The following SERPINE2 variants were observed in gnomAD, a reference collection of about 807,000 sequenced individuals.
SERPINE2 encodes glia-derived nexin.
Under a neutral mutation model 36.3 loss-of-function variants are expected in SERPINE2, and 14 were observed. The ratio of observed to expected loss-of-function variants is 0.39; its 90% confidence interval spans 0.25 to 0.60. The LOEUF is 0.60. SERPINE2 is among the 20% of genes least tolerant of loss of function. The pLI is 0.57. For synonymous variants in SERPINE2, 192 were observed against 191.8 expected, an observed-to-expected ratio of 1.00 and a Z score of -0.01; for missense variants, 418 against 499.6, an observed-to-expected ratio of 0.84 and a Z score of 1.56.
intron 6 of SERPINE2, 24 bp from the exon 7 acceptor site, chr2:223,980,421 A>G: frequency 6.2e-7 from 1 of 1,604,476 alleles, no homozygotes; most frequent in South Asian, 1.1e-5. Flanking sequence ...ATAAAACAGT[A>G]TCAGCATTTG....
At position 224,001,638 on chromosome 2, in the gene SERPINE2, G is replaced by C. The variant is rs1480313201; in HGVS notation, c.259+4C>G. On this transcript the variant is annotated splice_donor_region_variant and intron_variant, in intron 2 of 8. Coordinates refer to ENST00000409304, the MANE Select transcript of SERPINE2 (RefSeq NM_001136528.2). The stretch of plus-strand genomic sequence containing the variant: ...TCCGCCAGTGAGCAATTGTGCACAC[G>C]CACCATTTACGCCGTATCTCATCAC... The C allele has an allele frequency of 1.2e-6, 2 of 1,610,988 alleles. No individual in the cohort carries two copies. The highest frequency in any genetic ancestry group is 3.3e-5 in the Admixed American group (2 of 59,976).
chr2:223,998,588 G>A (rs752367514), intron 2 of SERPINE2, among the ~76,000 whole-genome samples: 3 of 152,100 alleles, frequency 2.0e-5, no homozygotes, highest in African/African-American at 4.8e-5. Context: ...GTGGTGGCAC[G>A]CCTGTGATAC....
intron 5 of SERPINE2, among the ~76,000 whole-genome samples, chr2:223,984,282 C>T (rs1378484959): frequency 6.6e-6 from 1 of 152,196 alleles, no homozygotes; most frequent in East Asian, 1.9e-4. Context: ...CTTTGTCTTA[C>T]TCTTAGGGTA....
At chr2:224,027,294 GC>G (rs150877474) in intron 1 of SERPINE2, among the ~76,000 whole-genome samples, 3,305 of 152,312 alleles carry the variant, frequency 0.022, 131 homozygotes, top group African/African-American at 0.075. Context: ...TGGGCTATCA[GC>G]CTCTCACGTG....
At chr2:223,996,621 G>A (rs1690899121) in intron 3 of SERPINE2, among the ~76,000 whole-genome samples, 1 of 152,198 alleles carries the variant, frequency 6.6e-6, no homozygotes. Flanking sequence ...CAATGCAGTG[G>A]GCTGGGCTCC....
intron 4 of SERPINE2, among the ~76,000 whole-genome samples, chr2:223,988,838 T>C (rs904302110): frequency 6.6e-6 from 1 of 152,212 alleles, no homozygotes; most frequent in Non-Finnish European, 1.5e-5. Flanking sequence ...TTATGGAATA[T>C]TATGTGGCTG....
chr2:224,003,465 A>AT (rs899722533), intron 1 of SERPINE2, among the ~76,000 whole-genome samples: 7 of 152,232 alleles, frequency 4.6e-5, no homozygotes, highest in African/African-American at 1.7e-4. Context: ...AAATTAAAGA[A>AT]TTATTAATTA....
In SERPINE2 at chr2:223,982,678, T is replaced by C; in HGVS notation, c.985+3A>G. 6.4e-7 allele frequency: 1 copy of C among 1,565,256 alleles called. No homozygotes were observed. On this transcript the variant is annotated splice_donor_region_variant and intron_variant, in intron 6 of 8. Coordinates refer to ENST00000409304, the MANE Select transcript of SERPINE2 (RefSeq NM_001136528.2). Reference sequence around the variant, plus strand: ...ATACAAATACATTTTAAATTGAACATACTTGTTATTTTTGCAAAATTTGCC... The same window carrying C: ...ATACAAATACATTTTAAATTGAACACACTTGTTATTTTTGCAAAATTTGCC...
intron 1 of SERPINE2, among the ~76,000 whole-genome samples, chr2:224,036,946 A>G (rs1027836768): frequency 1.3e-5 from 2 of 152,026 alleles, no homozygotes; most frequent in African/African-American, 4.8e-5. Context: ...AGCTGGAGAC[A>G]TTAGTCACTG....
At chr2:223,975,982 A>C in intron 8 of SERPINE2, 78 bp from the exon 9 acceptor site, 2 of 1,348,250 alleles carry the variant, frequency 1.5e-6, no homozygotes, top group Non-Finnish European at 2.1e-6. Context: ...ATTCTATTTA[A>C]GGGAAGGGAA....
intron 1 of SERPINE2, among the ~76,000 whole-genome samples, chr2:224,024,140 T>C (rs1216548932): frequency 6.6e-6 from 1 of 152,172 alleles, no homozygotes; most frequent in Non-Finnish European, 1.5e-5. Context: ...GAAAAGGGAA[T>C]GAGGGATGGG....
intron 1 of SERPINE2, among the ~76,000 whole-genome samples, chr2:224,014,951 C>T (rs546846998): frequency 2.6e-5 from 4 of 152,242 alleles, no homozygotes; most frequent in South Asian, 2.1e-4. Flanking sequence ...GTGACTCTGT[C>T]GCTCAGGGAG....
chr2:224,018,752 C>G (rs1691885525), intron 1 of SERPINE2, among the ~76,000 whole-genome samples: 1 of 152,178 alleles, frequency 6.6e-6, no homozygotes, highest in Admixed American at 6.5e-5. Context: ...ACTGTTCATC[C>G]AAGAACCTAA....
chr2:223,996,749 TTCTTCTTCC>T (rs1330779907), intron 3 of SERPINE2, among the ~76,000 whole-genome samples: 3 of 152,222 alleles, frequency 2.0e-5, no homozygotes, highest in Admixed American at 6.5e-5. Context: ...GTCTTTGGGC[TTCTTCTTCC>T]TATTGACTCT....
intron 2 of SERPINE2, among the ~76,000 whole-genome samples, chr2:223,999,797 A>AT (rs1241331744): frequency 6.6e-6 from 1 of 152,200 alleles, no homozygotes; most frequent in Non-Finnish European, 1.5e-5. Context: ...TCCAGTTGCT[A>AT]TTTTGGAACT....
chr2:224,015,044 G>C (rs1215708751), intron 1 of SERPINE2, among the ~76,000 whole-genome samples: 1 of 152,092 alleles, frequency 6.6e-6, no homozygotes, highest in South Asian at 2.1e-4. Context: ...GCATCTGGTA[G>C]GTGGGGGCCA....
At chr2:224,015,915 C>CTAGTTAAGAGTTTA (rs1691785027) in intron 1 of SERPINE2, among the ~76,000 whole-genome samples, 1 of 152,140 alleles carries the variant, frequency 6.6e-6, no homozygotes, top group Non-Finnish European at 1.5e-5. Flanking sequence ...CTAGACTACA[C>CTAGTTAAGAGTTTA]AGAAAACTCT....
At chr2:223,996,562 T>C (rs1022365796) in intron 3 of SERPINE2, among the ~76,000 whole-genome samples, 5 of 152,182 alleles carry the variant, frequency 3.3e-5, no homozygotes, top group Non-Finnish European at 7.3e-5. Flanking sequence ...AGAATGGTGA[T>C]GGGAGGCAGA....
At chr2:224,029,541 A>G (rs574756967) in intron 1 of SERPINE2, among the ~76,000 whole-genome samples, 8 of 152,340 alleles carry the variant, frequency 5.3e-5, no homozygotes, top group South Asian at 4.1e-4. Context: ...CATATGTTTA[A>G]AATAGTTATT....
Sources: gnomAD v4.1 joint callset for allele counts (sites outside exome capture counted in the v4.1 genomes callset) on GRCh38, gnomAD v4.1.1 for gene constraint, MANE v1.5 for transcripts, NCBI Gene and HGNC (gene_info 2026-07-23, HGNC 2026-07-21) for gene names.